TTYH3: variants seen among roughly 807,000 people sequenced by gnomAD.
The protein encoded by TTYH3 is tweety family member 3, also known as protein tweety homolog 3.
A neutral mutation model predicts 68.2 loss-of-function variants in TTYH3; 23 were observed. The ratio of observed to expected loss-of-function variants is 0.34; its 90% CI spans 0.24 to 0.48. The LOEUF (loss-of-function observed/expected upper bound fraction) is 0.48, where lower values mean the gene tolerates loss of function less well. TTYH3 is among the 20% of genes least tolerant of loss of function. The pLI is 0.99. For synonymous variants in TTYH3, 360 were observed against 332.8 expected (o/e 1.08, Z -0.89); for missense variants, 768 against 727.7 (o/e 1.06, Z -0.64).
rs139527284 is a variant in TTYH3 at position 2,659,890 on chromosome 7, A to ACT, written c.1500+894_1500+895dup. 1.4e-3 allele frequency: 1,640 copies of ACT among 1,169,896 alleles called. 4 individuals carry two copies. The African/African-American group carries it at 0.015, about 11-fold the overall frequency. The allele number at this position is 1,169,896 out of a possible 1,614,324, so 72.5% of individuals were successfully genotyped here. On this transcript the variant is annotated intron_variant, in intron 13 of 13. Coordinates refer to ENST00000258796, the MANE Select transcript of TTYH3 (RefSeq NM_025250.3). ...CCCCACACCCTGGCGTTGAGGCCAC[A>ACT]CTCTCTCTCTCTCTCTCTCTTGCAC... is the stretch of plus-strand genomic sequence containing the variant.
chr7:2,639,113 C>T (rs994877967), intron 1 of TTYH3, among the ~76,000 whole-genome samples: 1 of 152,148 alleles, frequency 6.6e-6, no homozygotes, highest in African/African-American at 2.4e-5. Context: ...ACCCCCAAAC[C>T]TTGTTGCTTC....
intron 1 of TTYH3, among the ~76,000 whole-genome samples, chr7:2,636,033 G>A (rs1175572388): frequency 6.6e-6 from 1 of 152,250 alleles, no homozygotes; most frequent in African/African-American, 2.4e-5. Flanking sequence ...TCTGTTCCAG[G>A]CACTGTGCCA....
In TTYH3 at chr7:2,649,952, A is replaced by C. The variant is rs1786120594; in HGVS notation, c.835A>C (p.Thr279Pro). ...DFCVDPDAYVTKMVEEYSVLS... is the reference protein window; with the variant it reads ...DFCVDPDAYVPKMVEEYSVLS... ...CTGTGTGGACCCTGACGCCTACGTG[A>C]CCAAAATGGTGGAGGAGTACTCGGT... is the stretch of plus-strand genomic sequence containing the variant. The change falls in exon 7 of 14, where the codon ACC (threonine) becomes CCC (proline). Residue 279 changes from threonine to proline, a missense_variant. Coordinates refer to ENST00000258796, the MANE Select transcript of TTYH3 (RefSeq NM_025250.3). 1 of 1,613,858 alleles carries C rather than the reference A, an allele frequency of 6.2e-7. No homozygotes were observed. Among genetic ancestry groups the C allele is most frequent in the Non-Finnish European group, 8.5e-7 (1 of 1,179,946 alleles).
rs1294020701 is a variant in TTYH3, at chr7:2,646,921, C to T, written c.192C>T (p.Tyr64=). 1.4e-5 allele frequency: 23 copies of T among 1,600,662 alleles called. No individual in the cohort carries two copies. The highest frequency in any genetic ancestry group is 1.8e-5 in the Non-Finnish European group (21 of 1,179,366). Residue 64 remains tyrosine (Y), a synonymous_variant, in exon 2 of 14, where the codon TAC becomes TAT. Transcript: ENST00000258796. ...TGGACCTCCTCTTCCTGCTCTTCTA[C>T]TCCTTCTGGCTGTGCTGCCGGCGGC... ...LALDLLFLLF[Y]SFWLCCRRRK... is the part of the protein sequence containing the mutation.
chr7:2,656,216 C>T (rs370375776), intron 10 of TTYH3, 32 bp downstream of exon 10: 56 of 1,554,978 alleles, frequency 3.6e-5, no homozygotes, highest in Non-Finnish European at 4.8e-5. Context: ...AGGGCCATGG[C>T]AGCTTGTAGG....
intron 13 of TTYH3, chr7:2,659,858 C>T: frequency 7.9e-7 from 1 of 1,260,214 alleles, no homozygotes; most frequent in Non-Finnish European, 1.0e-6. Flanking sequence ...CCACAGCCCA[C>T]TCCTGGCCCC....
intron 5 of TTYH3, among the ~76,000 whole-genome samples, chr7:2,649,360 C>G (rs530597946): frequency 9.6e-4 from 146 of 152,244 alleles, no homozygotes; most frequent in Middle Eastern, 3.4e-3. Context: ...GCTCAGATCT[C>G]TGAGCCCCAC....
At chr7:2,648,300 G>T in intron 5 of TTYH3, 1 of 495,850 alleles carries the variant, frequency 2.0e-6, no homozygotes, top group African/African-American at 2.0e-5. Flanking sequence ...GTCTGCACGT[G>T]GGGCACTTGT....
At position 2,648,955 on chromosome 7, in the gene TTYH3, TGGGGCCCGCAGTGGGGTG is replaced by T. The variant is rs1357906831; in HGVS notation, c.723-611_723-594del. Reference sequence around the variant, plus strand: ...GGGGTGTGGGGCCCGCAGTGGGGTGTGGGGCCCGCAGTGGGGTGTGGGGCCTGCACTGGGGTGTGTTTT... The same window carrying T: ...GGGGTGTGGGGCCCGCAGTGGGGTGTTGGGGCCTGCACTGGGGTGTGTTTT... On this transcript the variant is annotated intron_variant, in intron 5 of 13. Transcript: ENST00000258796. 6.6e-5 allele frequency among the ~76,000 whole-genome samples: 8 copies of T among 121,770 alleles called. 1 individual carries two copies. The highest frequency in any genetic ancestry group is 1.3e-4 in the African/African-American group (4 of 31,630). 79.9% of individuals were successfully genotyped at this position (121,770 alleles called of 152,430 possible).
intron 7 of TTYH3, among the ~76,000 whole-genome samples, chr7:2,650,485 C>T (rs756238174): frequency 2.0e-5 from 3 of 151,890 alleles, no homozygotes; most frequent in South Asian, 2.1e-4. Context: ...GACTGAGGCA[C>T]GAGAATTGCC....
intron 11 of TTYH3, 144 bp downstream of exon 11, chr7:2,656,678 C>T: frequency 9.8e-7 from 1 of 1,019,814 alleles, no homozygotes; most frequent in Non-Finnish European, 1.3e-6. Context: ...CCTCCCTAGG[C>T]CTCTCTAGTG....
chr7:2,637,781 G>A (rs550866787), intron 1 of TTYH3, among the ~76,000 whole-genome samples: 58 of 152,240 alleles, frequency 3.8e-4, no homozygotes, highest in Middle Eastern at 3.4e-3. Flanking sequence ...TGTTCTGCAG[G>A]GAGCCCACCC....
intron 3 of TTYH3, 47 bp from the exon 4 acceptor site, chr7:2,647,371 G>A: frequency 6.8e-7 from 1 of 1,462,768 alleles, no homozygotes; most frequent in Non-Finnish European, 9.0e-7. Context: ...CAGACTCTGG[G>A]GCGAGGCGGG....
intron 1 of TTYH3, among the ~76,000 whole-genome samples, chr7:2,640,809 C>A (rs1785820915): frequency 6.6e-6 from 1 of 152,310 alleles, no homozygotes; most frequent in South Asian, 2.1e-4. Context: ...CGTCCTAAGG[C>A]CTTGTGGCTC....
At chr7:2,633,495 G>C (rs1018317571) in intron 1 of TTYH3, among the ~76,000 whole-genome samples, 1 of 152,062 alleles carries the variant, frequency 6.6e-6, no homozygotes, top group Non-Finnish European at 1.5e-5. Flanking sequence ...GCGAGGGATC[G>C]GCCCAGGCAC....
chr7:2,660,317 C>A (rs1786460572), intron 13 of TTYH3: 1 of 985,300 alleles, frequency 1.0e-6, no homozygotes, highest in Non-Finnish European at 1.2e-6. Flanking sequence ...CCAAGTGGCC[C>A]CAGCCCCTTC....
Position 2,664,488 on chromosome 7 carries a change from T to TATAA in TTYH3, c.*2750_*2751insTAAA, listed in dbSNP as rs1786569036. 1 of 151,566 alleles carries TATAA rather than the reference T, an allele frequency of 6.6e-6. No individual in the cohort carries two copies. Among genetic ancestry groups the TATAA allele is most frequent in the African/African-American group, 2.4e-5 (1 of 41,238 alleles). The allele number at this position is 151,566 out of a possible 1,614,324, so 9.4% of individuals were successfully genotyped here. ...TTGTTATATATAATATATATATATA[T>TATAA]AATCTCCTTAAGACTCAGCCTCCTG... On this transcript the variant is annotated 3_prime_UTR_variant, in exon 14 of 14. Transcript: ENST00000258796.
In TTYH3 at chr7:2,661,980, C is replaced by T; in HGVS notation, c.*241C>T. 2 of 599,174 alleles carry T rather than the reference C, an allele frequency of 3.3e-6. No individual in the cohort carries two copies. The highest frequency in any genetic ancestry group is 5.9e-6 in the Non-Finnish European group (2 of 336,396). 37.1% of individuals were successfully genotyped at this position (599,174 alleles called of 1,614,324 possible). ...ACGCTGCTGCCAGCCGATGCCCCAG[C>T]CCTGCACGCCACCCACTATCCCGGC... On this transcript the variant is annotated 3_prime_UTR_variant, in exon 14 of 14. Transcript: ENST00000258796.
chr7:2,638,978 T>C (rs1387350260), intron 1 of TTYH3, among the ~76,000 whole-genome samples: 2 of 152,082 alleles, frequency 1.3e-5, no homozygotes, highest in African/African-American at 2.4e-5. Context: ...CAAACAAGTC[T>C]GGGCCCTAGG....
Sources: allele counts gnomAD v4.1 joint callset (sites outside exome capture counted in the v4.1 genomes callset), GRCh38; gene constraint gnomAD v4.1.1; transcripts MANE v1.5; gene names NCBI Gene and HGNC (gene_info 2026-07-23, HGNC 2026-07-21).